The following CSMD3 variants were observed in gnomAD, a reference collection of about 807,000 sequenced individuals.
CSMD3 encodes CUB and Sushi multiple domains 3.
In CSMD3, 177 loss-of-function variants were observed where a neutral mutation model predicts 435.2. The ratio of observed to expected loss-of-function variants is 0.41; its 90% CI spans 0.36 to 0.46. CSMD3 has a LOEUF of 0.46. CSMD3 is among the 20% of genes least tolerant of loss of function. The probability of loss-of-function intolerance (pLI) is 0.34; values close to 1 mark genes in which losing one functional copy is unlikely to be tolerated. For missense variants in CSMD3, 4,265 were observed against 4,504.6 expected (o/e 0.95, Z 1.52); for synonymous variants, 1,656 against 1,520.5 (o/e 1.09, Z -2.07).
intron 10 of CSMD3, among the ~76,000 whole-genome samples, chr8:112,886,990 T>G (rs916436087): frequency 6.6e-6 from 1 of 151,550 alleles, no homozygotes; most frequent in African/African-American, 2.4e-5. Context: ...ATGGTTTAAG[T>G]GGACCTTGAG....
intron 5 of CSMD3, among the ~76,000 whole-genome samples, chr8:113,058,294 G>C (rs2088440926): frequency 6.6e-6 from 1 of 151,792 alleles, no homozygotes; most frequent in South Asian, 2.1e-4. Context: ...ATTAAGTATT[G>C]TGGGTTGAAG....
At chr8:113,291,257 T>C (rs899045784) in intron 2 of CSMD3, among the ~76,000 whole-genome samples, 1 of 151,806 alleles carries the variant, frequency 6.6e-6, no homozygotes, top group Non-Finnish European at 1.5e-5. Flanking sequence ...AAGTCTGCTA[T>C]AATACATGTG....
intron 47 of CSMD3, among the ~76,000 whole-genome samples, chr8:112,315,990 C>A (rs1563779246): frequency 6.6e-6 from 1 of 151,660 alleles, no homozygotes; most frequent in Non-Finnish European, 1.5e-5. Context: ...GGTACAAAGA[C>A]AATTAAATAT....
chr8:112,305,967 A>G (rs113028869), intron 51 of CSMD3, 40 bp downstream of exon 51: 1 of 1,538,898 alleles, frequency 6.5e-7, no homozygotes, highest in Non-Finnish European at 9.0e-7. Flanking sequence ...ATAAAATACC[A>G]AGAGAAAAAC....
intron 3 of CSMD3, among the ~76,000 whole-genome samples, chr8:113,221,354 T>TACACACACACACACAC (rs147263614): frequency 2.6e-3 from 376 of 141,914 alleles, no homozygotes; most frequent in South Asian, 8.2e-3. Flanking sequence ...CAGACACAGT[T>TACACACACACACACAC]ACACACACAC....
At chr8:112,545,503 ATAATAATAAT>A (rs1486839639) in intron 27 of CSMD3, among the ~76,000 whole-genome samples, 2 of 114,884 alleles carry the variant, frequency 1.7e-5, no homozygotes, top group African/African-American at 7.0e-5. Flanking sequence ...AAAAAAAAAA[ATAATAATAAT>A]AATAATAATA....
chr8:113,014,231 C>A (rs1390815638), intron 6 of CSMD3, among the ~76,000 whole-genome samples: 1 of 152,126 alleles, frequency 6.6e-6, no homozygotes, highest in African/African-American at 2.4e-5. Context: ...CACTGTGGTT[C>A]CCACTTCCTT....
intron 6 of CSMD3, among the ~76,000 whole-genome samples, chr8:112,992,086 G>T (rs1441388501): frequency 6.6e-6 from 1 of 151,674 alleles, no homozygotes; most frequent in Non-Finnish European, 1.5e-5. Context: ...AAGAATCACT[G>T]GGCTAGAAAA....
rs940137543 is a variant in CSMD3, at chr8:112,711,346, G to A, written c.1973-21296C>T. Reference sequence around the variant, plus strand: ...AGGCACCATTAAACAAGCGCATTGCGATTTACACAAAATCAAGGCTGTAAA... The same window carrying A: ...AGGCACCATTAAACAAGCGCATTGCAATTTACACAAAATCAAGGCTGTAAA... On this transcript the variant is annotated intron_variant, in intron 13 of 70. Transcript: ENST00000297405. 7.2e-5 allele frequency among the ~76,000 whole-genome samples: 11 copies of A among 152,056 alleles called. No individual in the cohort carries two copies. The South Asian group carries it at 1.7e-3, about 23-fold the overall frequency.
chr8:112,261,880 A>AT (rs1246836000), intron 61 of CSMD3, among the ~76,000 whole-genome samples: 1 of 151,420 alleles, frequency 6.6e-6, no homozygotes, highest in East Asian at 1.9e-4. Context: ...TATTTTGACC[A>AT]TTTTTCTTGT....
intron 5 of CSMD3, among the ~76,000 whole-genome samples, chr8:113,073,692 C>A (rs1448882361): frequency 6.6e-6 from 1 of 151,588 alleles, no homozygotes; most frequent in Non-Finnish European, 1.5e-5. Flanking sequence ...ACAAAAGTGA[C>A]CTCTCACAAT....
chr8:113,074,438 T>C (rs933606947), intron 5 of CSMD3, among the ~76,000 whole-genome samples: 1 of 151,936 alleles, frequency 6.6e-6, no homozygotes, highest in Non-Finnish European at 1.5e-5. Flanking sequence ...AGCTATGGGA[T>C]GTATAACCTT....
Position 112,335,949 on chromosome 8 carries a change from G to A in CSMD3, c.7020-475C>T, listed in dbSNP as rs141073950. Among the ~76,000 whole-genome samples, 642 of 152,096 alleles carry A rather than the reference G, an allele frequency of 4.2e-3. 6 individuals are homozygous for A. Among genetic ancestry groups the A allele is most frequent in the African/African-American group, 0.014 (590 of 41,508 alleles). ...TTATTTAGAGCCAGGGCCTCACTCCGTTGCCCATGCTGGAGTGCAGTAGGA... is the reference window on the plus strand; with the variant it reads ...TTATTTAGAGCCAGGGCCTCACTCCATTGCCCATGCTGGAGTGCAGTAGGA... On this transcript the variant is annotated intron_variant, in intron 44 of 70. Coordinates refer to ENST00000297405, the MANE Select transcript of CSMD3 (RefSeq NM_198123.2).
At chr8:112,552,857 A>G in intron 25 of CSMD3, 137 bp from the exon 26 acceptor site, 1 of 725,040 alleles carries the variant, frequency 1.4e-6, no homozygotes, top group Non-Finnish European at 2.2e-6. Context: ...AAACTTTTAA[A>G]GTATCAATTG....
Position 112,638,706 on chromosome 8 carries a change from T to C in CSMD3, c.3516A>G (p.Ile1172Met), listed in dbSNP as rs1166875735. 1.9e-6 allele frequency: 3 copies of C among 1,580,948 alleles called. No homozygotes were observed. Among genetic ancestry groups the C allele is most frequent in the Non-Finnish European group, 2.6e-6 (3 of 1,150,364 alleles). Residue 1172 changes from isoleucine (I) to methionine (M), a missense_variant, in exon 21 of 71, where the codon ATA becomes ATG. This residue lies in a region of CSMD3 where 3,255 missense variants were observed against 3,380.2 expected (regional missense o/e 0.96). Coordinates refer to ENST00000297405, the MANE Select transcript of CSMD3 (RefSeq NM_198123.2). ...DFSISYEGFN[I>M]TFSEYNLEPC... ...TTTTTATTTTCTCACCAGAGAATGT[T>C]ATGTTAAATCCTTCATATGATATTG...
At position 113,097,053 on chromosome 8, in the gene CSMD3, T is replaced by C. The variant is rs2090185532; in HGVS notation, c.917+1703A>G. On this transcript the variant is annotated intron_variant, in intron 5 of 70. Coordinates refer to ENST00000297405, the MANE Select transcript of CSMD3 (RefSeq NM_198123.2). ...GATGGATGACAATGGGTAAGTCATG[T>C]CACCTCCCTAGATCTCAGGTTCTCA... is the stretch of plus-strand genomic sequence containing the variant. 2.0e-5 allele frequency among the ~76,000 whole-genome samples: 3 copies of C among 152,204 alleles called. No homozygotes were observed. In the South Asian group the frequency reaches 6.2e-4, roughly 32 times the overall value.
intron 10 of CSMD3, among the ~76,000 whole-genome samples, chr8:112,908,613 T>C (rs1449048353): frequency 6.6e-6 from 1 of 151,550 alleles, no homozygotes; most frequent in Non-Finnish European, 1.5e-5. Context: ...AGGTTCACAA[T>C]AGCCAGTATT....
At chr8:112,662,571 T>A (rs919588329) in intron 17 of CSMD3, among the ~76,000 whole-genome samples, 158 of 152,210 alleles carry the variant, frequency 1.0e-3, no homozygotes, top group African/African-American at 3.6e-3. Flanking sequence ...ATAAAAACCC[T>A]AGAAGAAAAC....
chr8:112,952,935 A>G (rs2083878284), intron 8 of CSMD3, among the ~76,000 whole-genome samples: 1 of 151,364 alleles, frequency 6.6e-6, no homozygotes, highest in South Asian at 2.1e-4. Context: ...CAACCCATGT[A>G]CAAGAAAAGT....
Sources: allele counts gnomAD v4.1 joint callset (sites outside exome capture counted in the v4.1 genomes callset), GRCh38; gene constraint gnomAD v4.1.1; regional missense constraint gnomAD v4.1.1; transcripts MANE v1.5; gene names NCBI Gene and HGNC (gene_info 2026-07-23, HGNC 2026-07-21).